The following LIMS1 variants were observed in gnomAD, a reference collection of about 807,000 sequenced individuals.
The protein encoded by LIMS1 is LIM zinc finger domain containing 1, also known as LIM and senescent cell antigen-like-containing domain protein 1.
In LIMS1, 18 loss-of-function variants were observed where a neutral mutation model predicts 44.1. That is an observed-to-expected ratio of 0.41 (90% CI 0.28 to 0.61). The LOEUF (loss-of-function observed/expected upper bound fraction) is 0.61. LIMS1 is among the 20% of genes least tolerant of loss of function. LIMS1 has a pLI of 0.32. For synonymous variants in LIMS1, 93 were observed against 149.1 expected (o/e 0.62, Z 2.74); for missense variants, 201 against 422.0 (o/e 0.48, Z 4.59).
chr2:108,588,436 T>C (rs1161199990), intron 1 of LIMS1: 1 of 985,338 alleles, frequency 1.0e-6, no homozygotes, highest in Admixed American at 6.1e-5. Context: ...GTAAGTTAAA[T>C]AAGAGTAGGA....
chr2:108,598,275 T>C (rs182092404), intron 1 of LIMS1, among the ~76,000 whole-genome samples: 1 of 152,150 alleles, frequency 6.6e-6, no homozygotes, highest in Non-Finnish European at 1.5e-5. Flanking sequence ...ACTAAAAAAA[T>C]GTCTACTTTA....
chr2:108,669,374 C>T (rs1314116883), intron 2 of LIMS1, among the ~76,000 whole-genome samples: 5 of 151,780 alleles, frequency 3.3e-5, no homozygotes, highest in African/African-American at 1.2e-4. Context: ...TACCACTGCA[C>T]TCCAGACTGG....
At chr2:108,544,637 G>A (rs2104575107) in intron 1 of LIMS1, among the ~76,000 whole-genome samples, 1 of 152,188 alleles carries the variant, frequency 6.6e-6, no homozygotes, top group South Asian at 2.1e-4. Flanking sequence ...TGCGATTACA[G>A]GTGCCTACCA....
intron 1 of LIMS1, among the ~76,000 whole-genome samples, chr2:108,568,435 T>C (rs570003600): frequency 7.9e-5 from 12 of 152,230 alleles, no homozygotes; most frequent in Admixed American, 1.3e-4. Flanking sequence ...AATCTGTTAG[T>C]GGGCACTTGA....
chr2:108,680,700 T>C, exon 9 of LIMS1: 1 of 1,610,278 alleles, frequency 6.2e-7, no homozygotes, highest in Non-Finnish European at 8.5e-7. Flanking sequence ...TCCAGTGGTC[T>C]CTGCTCTTAA....
At chr2:108,617,484 G>C (rs749472843) in intron 1 of LIMS1, among the ~76,000 whole-genome samples, 17 of 152,160 alleles carry the variant, frequency 1.1e-4, no homozygotes, top group Non-Finnish European at 1.5e-4. Context: ...GTAACATTGA[G>C]TGTTACATGC....
chr2:108,617,853 T>G (rs1688012182), intron 1 of LIMS1, among the ~76,000 whole-genome samples: 1 of 151,980 alleles, frequency 6.6e-6, no homozygotes, highest in South Asian at 2.1e-4. Context: ...GGGATGGGGG[T>G]GTGAGATCTG....
intron 1 of LIMS1, among the ~76,000 whole-genome samples, chr2:108,581,402 G>A (rs899348852): frequency 2.6e-5 from 4 of 152,120 alleles, no homozygotes; most frequent in Admixed American, 1.3e-4. Context: ...TTGCTTCTAC[G>A]TTTCCCAGTA....
rs187316397 is a variant in LIMS1 at position 108,684,867 on chromosome 2, T to G, written c.*868T>G. 9.2e-5 allele frequency: 14 copies of G among 152,282 alleles called. No individual in the cohort carries two copies. In the East Asian group the frequency reaches 2.7e-3, roughly 29 times the overall value. 9.4% of individuals were successfully genotyped at this position (152,282 alleles called of 1,614,324 possible). ...ATTGCTTCAGAAAACTGAATGTGTA[T>G]GTCGGTCATATTGCCTTTATAACCA... On this transcript the variant is annotated 3_prime_UTR_variant, in exon 10 of 10. Transcript: ENST00000544547.
chr2:108,639,153 C>G (rs1689490918), intron 1 of LIMS1, among the ~76,000 whole-genome samples: 1 of 152,194 alleles, frequency 6.6e-6, no homozygotes, highest in Non-Finnish European at 1.5e-5. Flanking sequence ...TACCCACTCA[C>G]TGCATGGGAC....
chr2:108,536,126 C>T (rs1430396712), intron 1 of LIMS1, among the ~76,000 whole-genome samples: 1 of 152,148 alleles, frequency 6.6e-6, no homozygotes, highest in Non-Finnish European at 1.5e-5. Context: ...CCTTTTAAGA[C>T]CTTCAAACCT....
intron 1 of LIMS1, among the ~76,000 whole-genome samples, chr2:108,603,721 G>A (rs996302199): frequency 6.6e-6 from 1 of 151,782 alleles, no homozygotes. Context: ...CCAAAGTACT[G>A]TGAGCCACCA....
At chr2:108,536,281 AC>A (rs1295577125) in intron 1 of LIMS1, among the ~76,000 whole-genome samples, 1 of 152,188 alleles carries the variant, frequency 6.6e-6, no homozygotes, top group East Asian at 1.9e-4. Flanking sequence ...TCTTTATCTT[AC>A]AAAACTGAAA....
intron 1 of LIMS1, among the ~76,000 whole-genome samples, chr2:108,606,531 A>G (rs114527921): frequency 0.017 from 2,550 of 152,346 alleles, 42 homozygotes; most frequent in African/African-American, 0.035. Context: ...TATTAGCACT[A>G]TCATGTTTGT....
chr2:108,672,165 C>CA lies in LIMS1; in HGVS notation c.260-137dup, dbSNP rs559219796. Among the ~76,000 whole-genome samples, 412 of 56,610 alleles carry CA rather than the reference C, an allele frequency of 7.3e-3. 4 individuals carry two copies. Among genetic ancestry groups the CA allele is most frequent in the African/African-American group, 0.02 (349 of 17,662 alleles). 37.1% of individuals were successfully genotyped at this position (56,610 alleles called of 152,430 possible). ...CTGGACAACAAGAGCGAAACTGTCTCAAAAAAAAAAAAAAAAAAAAAAAGT... is the reference window on the plus strand; with the variant it reads ...CTGGACAACAAGAGCGAAACTGTCTCAAAAAAAAAAAAAAAAAAAAAAAAGT... On this transcript the variant is annotated intron_variant, in intron 3 of 9. Transcript: ENST00000544547.
intron 3 of LIMS1, among the ~76,000 whole-genome samples, chr2:108,671,847 CT>C (rs1352203800): frequency 6.6e-6 from 1 of 152,156 alleles, no homozygotes; most frequent in Non-Finnish European, 1.5e-5. Context: ...TGAAATAAAA[CT>C]TTTTTGCTAA....
At chr2:108,550,248 C>A (rs765928939) in intron 1 of LIMS1, among the ~76,000 whole-genome samples, 11 of 152,068 alleles carry the variant, frequency 7.2e-5, no homozygotes, top group Non-Finnish European at 1.3e-4. Flanking sequence ...GTAATCCCAG[C>A]ACTTTGGGAG....
intron 1 of LIMS1, among the ~76,000 whole-genome samples, chr2:108,640,646 G>A (rs935433257): frequency 6.6e-6 from 1 of 152,196 alleles, no homozygotes; most frequent in Non-Finnish European, 1.5e-5. Context: ...GATACTAGAG[G>A]AGGAATTTTT....
intron 1 of LIMS1, among the ~76,000 whole-genome samples, chr2:108,651,341 A>G (rs1222153242): frequency 2.0e-5 from 3 of 152,228 alleles, no homozygotes; most frequent in Non-Finnish European, 4.4e-5. Context: ...ATAGAAGACA[A>G]TCTAGCTTTC....
Sources: allele counts gnomAD v4.1 joint callset (sites outside exome capture counted in the v4.1 genomes callset), GRCh38; gene constraint gnomAD v4.1.1; transcripts MANE v1.5; gene names NCBI Gene and HGNC (gene_info 2026-07-23, HGNC 2026-07-21).